The following KIRREL3 variants were observed in gnomAD, a reference collection of about 807,000 sequenced individuals.
KIRREL3 encodes the protein kin of IRRE-like protein 3.
A neutral mutation model predicts 89.7 loss-of-function variants in KIRREL3; 36 were observed. That is an observed-to-expected ratio of 0.40 (90% CI 0.31 to 0.53). KIRREL3 has a LOEUF of 0.53. Among genes scored for constraint, KIRREL3 ranks in the 20% least tolerant of loss-of-function variants. The pLI is 0.49. For missense variants in KIRREL3, 864 were observed against 1,056.6 expected, an observed-to-expected ratio of 0.82 and a Z score of 2.53; for synonymous variants, 445 against 441.4, an observed-to-expected ratio of 1.01 and a Z score of -0.10.
At chr11:126,534,486 T>C (rs1197865181) in intron 2 of KIRREL3, among the ~76,000 whole-genome samples, 1 of 152,174 alleles carries the variant, frequency 6.6e-6, no homozygotes, top group Non-Finnish European at 1.5e-5. Context: ...AGGTAGGTCA[T>C]GTTCCTGAAA....
At chr11:126,932,771 C>T (rs1167177888) in intron 1 of KIRREL3, among the ~76,000 whole-genome samples, 1 of 152,200 alleles carries the variant, frequency 6.6e-6, no homozygotes, top group Non-Finnish European at 1.5e-5. Flanking sequence ...ACTCAACCTA[C>T]AAAATTGTAA....
intron 1 of KIRREL3, among the ~76,000 whole-genome samples, chr11:126,621,672 T>G (rs541580333): frequency 7.0e-4 from 107 of 152,330 alleles, no homozygotes; most frequent in Admixed American, 1.6e-3. Flanking sequence ...AAACACCACA[T>G]TATTTACCAA....
chr11:126,757,187 T>G (rs539101850), intron 1 of KIRREL3, among the ~76,000 whole-genome samples: 15 of 152,162 alleles, frequency 9.9e-5, no homozygotes, highest in African/African-American at 3.4e-4. Flanking sequence ...AACAATCACT[T>G]CTGTTAGGGA....
At chr11:126,510,864 C>T (rs1037038900) in intron 4 of KIRREL3, among the ~76,000 whole-genome samples, 1 of 152,192 alleles carries the variant, frequency 6.6e-6, no homozygotes, top group Non-Finnish European at 1.5e-5. Flanking sequence ...GAGATACTGA[C>T]TGCTCAACTC....
At chr11:126,915,375 G>C (rs956683665) in intron 1 of KIRREL3, among the ~76,000 whole-genome samples, 1 of 151,316 alleles carries the variant, frequency 6.6e-6, no homozygotes, top group African/African-American at 2.4e-5. Flanking sequence ...TTTTTTTAAA[G>C]CTCGCTGCTT....
intron 2 of KIRREL3, among the ~76,000 whole-genome samples, chr11:126,533,208 A>G (rs1384933890): frequency 6.6e-6 from 1 of 152,220 alleles, no homozygotes; most frequent in African/African-American, 2.4e-5. Flanking sequence ...GTACCGTATC[A>G]CACCTACGTG....
intron 1 of KIRREL3, among the ~76,000 whole-genome samples, chr11:126,665,436 C>T (rs1945615652): frequency 6.6e-6 from 1 of 152,236 alleles, no homozygotes; most frequent in East Asian, 1.9e-4. Context: ...CTCCAAAATT[C>T]ATGTGTTGAA....
At chr11:126,439,014 C>G (rs1955462435) in intron 11 of KIRREL3, among the ~76,000 whole-genome samples, 1 of 152,164 alleles carries the variant, frequency 6.6e-6, no homozygotes, top group African/African-American at 2.4e-5. Context: ...TAAGTTTTCC[C>G]CGAGTAGTGC....
chr11:126,720,355 G>C (rs1948123047), intron 1 of KIRREL3, among the ~76,000 whole-genome samples: 1 of 152,222 alleles, frequency 6.6e-6, no homozygotes, highest in Admixed American at 6.5e-5. Context: ...GCATGCAGGA[G>C]ATGCCATGTT....
chr11:126,667,391 C>T (rs1320351016), intron 1 of KIRREL3, among the ~76,000 whole-genome samples: 6 of 152,172 alleles, frequency 3.9e-5, no homozygotes, highest in South Asian at 2.1e-4. Context: ...TAGAATGAGC[C>T]GGGCTGTTTG....
At chr11:126,468,269 G>A (rs1307720465) in intron 5 of KIRREL3, among the ~76,000 whole-genome samples, 1 of 152,242 alleles carries the variant, frequency 6.6e-6, no homozygotes, top group Non-Finnish European at 1.5e-5. Context: ...GAAGTATGAG[G>A]AACAGGGAAG....
In KIRREL3 at chr11:126,645,465, A is replaced by G. The variant is rs2134949090; in HGVS notation, c.56-82553T>C. Among the ~76,000 whole-genome samples the G allele has an allele frequency of 6.6e-6, 1 of 152,292 alleles. No homozygotes were observed. The highest frequency in any genetic ancestry group is 1.9e-4 in the East Asian group (1 of 5,164). On this transcript the variant is annotated intron_variant, in intron 1 of 16. Coordinates refer to ENST00000525144, the MANE Select transcript of KIRREL3 (RefSeq NM_032531.4). This position sits in a 1 kb window ranked among gnomAD's most constrained non-coding sequence, Gnocchi z 4.9. ...CTCAGGCTACAGGGTACCCTGCATT[A>G]TGCAGACTGAGAGCTCTAGAAATAT...
chr11:126,886,783 C>T (rs1945712917), intron 1 of KIRREL3, among the ~76,000 whole-genome samples: 1 of 152,120 alleles, frequency 6.6e-6, no homozygotes, highest in Non-Finnish European at 1.5e-5. Flanking sequence ...GACCCAGTGC[C>T]AGAATGGGTT....
Position 126,666,038 on chromosome 11 carries a change from T to A in KIRREL3, c.56-103126A>T, listed in dbSNP as rs1945647903. 6.6e-6 allele frequency among the ~76,000 whole-genome samples: 1 copy of A among 152,232 alleles called. No homozygotes were observed. The highest frequency in any genetic ancestry group is 6.5e-5 in the Admixed American group (1 of 15,286). ...AATCAGAAAGCCTGGAACTATGATC[T>A]GGACCTTTTTATTTTGAAGGCGCTC... is the stretch of plus-strand genomic sequence containing the variant. On this transcript the variant is annotated intron_variant, in intron 1 of 16. Transcript: ENST00000525144. The surrounding 1 kb of genome is among the most constrained non-coding windows in gnomAD (Gnocchi z 4.2).
intron 1 of KIRREL3, among the ~76,000 whole-genome samples, chr11:126,767,044 G>A (rs1376747941): frequency 1.3e-5 from 2 of 152,320 alleles, no homozygotes; most frequent in South Asian, 2.1e-4. Flanking sequence ...AGAGGTACAG[G>A]GCTGATTTAA....
rs1955683808 is a variant in KIRREL3 at position 126,443,850 on chromosome 11, T to C, written c.1252+1129A>G. ...TCAGTTCCTGCAGGGTCCCAGAGCT[T>C]TGGGGTTTTGATCTGAGTCAGGCTA... On this transcript the variant is annotated intron_variant, in intron 10 of 16. Transcript: ENST00000525144. The surrounding 1 kb of genome is among the most constrained non-coding windows in gnomAD (Gnocchi z 7.3). 6.6e-6 allele frequency among the ~76,000 whole-genome samples: 1 copy of C among 151,924 alleles called. No homozygotes were observed. Among genetic ancestry groups the C allele is most frequent in the Non-Finnish European group, 1.5e-5 (1 of 67,956 alleles).
At position 126,772,796 on chromosome 11, in the gene KIRREL3, C is replaced by T. The variant is rs116702618; in HGVS notation, c.56-209884G>A. 3.4e-3 allele frequency among the ~76,000 whole-genome samples: 518 copies of T among 152,300 alleles called. 4 individuals carry two copies. Among genetic ancestry groups the T allele is most frequent in the African/African-American group, 0.012 (484 of 41,564 alleles). The stretch of plus-strand genomic sequence containing the variant: ...TCCTCCTGCCCTGAGGAGTTTCTTC[C>T]TCTGATTCCTTGGTTTTGAGCCTTT... On this transcript the variant is annotated intron_variant, in intron 1 of 16. Coordinates refer to ENST00000525144, the MANE Select transcript of KIRREL3 (RefSeq NM_032531.4). The surrounding 1 kb of genome is among the most constrained non-coding windows in gnomAD (Gnocchi z 4.6).
chr11:126,868,014 C>A (rs903908181), intron 1 of KIRREL3, among the ~76,000 whole-genome samples: 4 of 138,292 alleles, frequency 2.9e-5, no homozygotes, highest in Non-Finnish European at 6.0e-5. Flanking sequence ...TCTCTCTCTT[C>A]CCATTATGGA....
At chr11:126,662,748 C>T (rs1027809773) in intron 1 of KIRREL3, among the ~76,000 whole-genome samples, 2 of 152,080 alleles carry the variant, frequency 1.3e-5, no homozygotes, top group African/African-American at 4.8e-5. Context: ...CATTCAAATC[C>T]TAGCAGTTGG....
Sources: gnomAD v4.1 joint callset for allele counts (sites outside exome capture counted in the v4.1 genomes callset) on GRCh38, gnomAD v4.1.1 for gene constraint, Gnocchi (gnomAD v3.1) non-coding constraint, MANE v1.5 for transcripts, NCBI Gene and HGNC (gene_info 2026-07-23, HGNC 2026-07-21) for gene names.